Variants in PITPNM2 observed in about 807,000 individuals in gnomAD.
PITPNM2 encodes phosphatidylinositol transfer protein membrane associated 2, also known as membrane-associated phosphatidylinositol transfer protein 2.
In PITPNM2, 35 loss-of-function variants were observed where a neutral mutation model predicts 132.2. The observed-to-expected ratio is 0.26, with a 90% confidence interval of 0.20 to 0.35. The LOEUF (loss-of-function observed/expected upper bound fraction) is 0.35, where lower values mean the gene tolerates loss of function less well. Among genes scored for constraint, PITPNM2 ranks in the 10% least tolerant of loss-of-function variants. PITPNM2 has a pLI of 1.00. For missense variants in PITPNM2, 1,332 were observed against 1,912.0 expected, an observed-to-expected ratio of 0.70 and a Z score of 5.66; for synonymous variants, 738 against 799.2, an observed-to-expected ratio of 0.92 and a Z score of 1.29.
chr12:123,019,531 C>T (rs745396718), intron 3 of PITPNM2, among the ~76,000 whole-genome samples: 1 of 152,234 alleles, frequency 6.6e-6, no homozygotes, highest in Non-Finnish European at 1.5e-5. Context: ...AGCTCCAGCA[C>T]ACCACTATGA....
intron 11 of PITPNM2, among the ~76,000 whole-genome samples, 189 bp downstream of exon 11, chr12:122,997,136 G>A (rs999606552): frequency 6.6e-6 from 1 of 152,224 alleles, no homozygotes; most frequent in African/African-American, 2.4e-5. Flanking sequence ...TCAGCCATGG[G>A]CCCAGGCCTC....
chr12:123,026,800 C>A (rs1334084660), intron 3 of PITPNM2, among the ~76,000 whole-genome samples: 1 of 152,232 alleles, frequency 6.6e-6, no homozygotes, highest in Non-Finnish European at 1.5e-5. Flanking sequence ...CTGCTGGCTC[C>A]CAGTGCTCCT....
At position 123,105,790 on chromosome 12, in the gene PITPNM2, T is replaced by C. The variant is rs1045828718; in HGVS notation, c.-96+4595A>G. ...AAATGAACCGAAGACAGGGGCTCTG[T>C]ACTAGAGCCAAGGGAAGGCAGAAAC... On this transcript the variant is annotated intron_variant, in intron 2 of 25. Coordinates refer to ENST00000320201, the MANE Select transcript of PITPNM2 (RefSeq NM_020845.3). Among the ~76,000 whole-genome samples, 5 of 151,988 alleles carry C rather than the reference T, an allele frequency of 3.3e-5. No individual in the cohort carries two copies. In the South Asian group the frequency reaches 6.2e-4, roughly 19 times the overall value.
At chr12:123,039,103 A>C (rs992755994) in intron 2 of PITPNM2, among the ~76,000 whole-genome samples, 2 of 151,784 alleles carry the variant, frequency 1.3e-5, no homozygotes, top group African/African-American at 2.4e-5. Flanking sequence ...ATGGGGCTCC[A>C]TCGAGTGGCC....
At chr12:123,042,664 C>T (rs551923044) in intron 2 of PITPNM2, among the ~76,000 whole-genome samples, 1 of 152,280 alleles carries the variant, frequency 6.6e-6, no homozygotes, top group South Asian at 2.1e-4. Context: ...CCTCCTTCTG[C>T]CTCCCTTGAG....
At chr12:123,056,659 A>G (rs1022369975) in intron 2 of PITPNM2, among the ~76,000 whole-genome samples, 1 of 152,110 alleles carries the variant, frequency 6.6e-6, no homozygotes, top group Non-Finnish European at 1.5e-5. Flanking sequence ...GTTGACAAAG[A>G]AAGTCTCTCC....
intron 10 of PITPNM2, among the ~76,000 whole-genome samples, chr12:122,999,111 C>CAAAAA (rs5801497): frequency 1.1e-5 from 1 of 89,740 alleles, no homozygotes; most frequent in South Asian, 3.4e-4. Flanking sequence ...ACCCTGTCTC[C>CAAAAA]AAAAAAAAAA....
chr12:122,987,442 T>C lies in PITPNM2; in HGVS notation c.3264-12A>G, dbSNP rs1566228232. ...ACGTGTGGTCTCCCCTGGCAGGTGG[T>C]GGGGGTGCTCATCAGAACCACCCAG... On this transcript the variant is annotated splice_polypyrimidine_tract_variant and intron_variant, in intron 22 of 25. Transcript: ENST00000320201. 6.2e-7 allele frequency: 1 copy of C among 1,613,542 alleles called. No individual in the cohort carries two copies. Among genetic ancestry groups the C allele is most frequent in the East Asian group, 2.2e-5 (1 of 44,866 alleles).
At chr12:123,105,343 G>T (rs946088860) in intron 2 of PITPNM2, 8 of 152,304 alleles carry the variant, frequency 5.3e-5, no homozygotes, top group African/African-American at 1.7e-4. Context: ...TCCTAGAATA[G>T]TAGGTACTCA....
chr12:123,076,411 T>C (rs906912896), intron 2 of PITPNM2, among the ~76,000 whole-genome samples: 16 of 152,140 alleles, frequency 1.1e-4, no homozygotes, highest in African/African-American at 2.7e-4. Flanking sequence ...GAGATAAACA[T>C]AGTTTAAAGA....
rs1242543572 is a variant in PITPNM2 at position 122,995,535 on chromosome 12, C to T, written c.1908G>A (p.Glu636=). ...GGGSSGGSSL[E]SSRHLSRSNV... ...TGCTTCGGCTCAGGTGCCGACTGCTCTCCAGGCTGGAGCCACCACTACTGC... is the reference window on the plus strand; with the variant it reads ...TGCTTCGGCTCAGGTGCCGACTGCTTTCCAGGCTGGAGCCACCACTACTGC... The change falls in exon 14 of 26, where the codon GAG becomes GAA. Residue 636 remains glutamate (E), a synonymous_variant. Transcript: ENST00000320201. 1.2e-6 allele frequency: 2 copies of T among 1,611,902 alleles called. No homozygotes were observed. Among genetic ancestry groups the T allele is most frequent in the African/African-American group, 1.3e-5 (1 of 75,052 alleles).
chr12:122,999,461 G>C (rs1410955725), intron 10 of PITPNM2, among the ~76,000 whole-genome samples: 1 of 152,182 alleles, frequency 6.6e-6, no homozygotes, highest in Non-Finnish European at 1.5e-5. Context: ...GAGGCGAAGG[G>C]CTTATGGAAG....
At chr12:123,125,533 T>C (rs2043118508) in intron 1 of PITPNM2, among the ~76,000 whole-genome samples, 1 of 152,180 alleles carries the variant, frequency 6.6e-6, no homozygotes, top group African/African-American at 2.4e-5. Context: ...TCTTTTGGAA[T>C]AGCAGAACGC....
rs752925918 is a variant in PITPNM2, at chr12:122,996,866, T to C, written c.1517A>G (p.Gln506Arg). Residue 506 changes from glutamine (Q) to arginine (R), a missense_variant, in exon 12 of 26, where the codon CAG (glutamine) becomes CGG (arginine). By Grantham distance (43) the Gln-to-Arg change is conservative. Around this residue, in one of 6 missense-constraint regions of PITPNM2, gnomAD observed 710 missense variants for 911.5 expected, o/e 0.78. Coordinates refer to ENST00000320201, the MANE Select transcript of PITPNM2 (RefSeq NM_020845.3). ...SHDEGCLSSS[Q>R]DHIPLAALPL... is the part of the protein sequence containing the mutation. ...GAGGGCAGCCAGGGGAATGTGGTCC[T>C]GACTGCTGGACAGACAGCCTTCGTC... The C allele has an allele frequency of 6.3e-7, 1 of 1,594,458 alleles. No homozygotes were observed. Among genetic ancestry groups the C allele is most frequent in the South Asian group, 1.1e-5 (1 of 88,496 alleles).
At position 123,106,391 on chromosome 12, in the gene PITPNM2, A is replaced by C. The variant is rs750334149; in HGVS notation, c.-96+3994T>G. On this transcript the variant is annotated intron_variant, in intron 2 of 25. Transcript: ENST00000320201. The surrounding 1 kb of genome is among the most constrained non-coding windows in gnomAD (Gnocchi z 4.4). ...TGGCAGAGCAAGACTCCATCTCTAAAATAAGTAAATAATTCCTTTAAAAAA... is the reference window on the plus strand; with the variant it reads ...TGGCAGAGCAAGACTCCATCTCTAACATAAGTAAATAATTCCTTTAAAAAA... Among the ~76,000 whole-genome samples the C allele has an allele frequency of 5.3e-5, 8 of 151,946 alleles. No individual in the cohort carries two copies. The highest frequency in any genetic ancestry group is 1.0e-4 in the Non-Finnish European group (7 of 68,004).
intron 4 of PITPNM2, among the ~76,000 whole-genome samples, chr12:123,013,112 A>T (rs1000335040): frequency 6.6e-6 from 1 of 152,176 alleles, no homozygotes; most frequent in African/African-American, 2.4e-5. Flanking sequence ...CAGCTCTGAC[A>T]ATGGGGGAAT....
chr12:123,125,016 G>A (rs768898040), intron 1 of PITPNM2, among the ~76,000 whole-genome samples: 5 of 152,046 alleles, frequency 3.3e-5, no homozygotes, highest in Admixed American at 2.0e-4. Context: ...GGAGTGCAGC[G>A]GTGACATCAC....
At chr12:123,052,579 A>G (rs1023598652) in intron 2 of PITPNM2, among the ~76,000 whole-genome samples, 1 of 152,194 alleles carries the variant, frequency 6.6e-6, no homozygotes, top group African/African-American at 2.4e-5. Context: ...TGATCACACA[A>G]CTGCACTCCA....
intron 2 of PITPNM2, among the ~76,000 whole-genome samples, chr12:123,070,363 C>T (rs1002691019): frequency 3.3e-5 from 5 of 152,192 alleles, no homozygotes; most frequent in African/African-American, 1.2e-4. Flanking sequence ...GGGGTTTGAG[C>T]TGGACCGTAT....
Sources: gnomAD v4.1 joint callset for allele counts (sites outside exome capture counted in the v4.1 genomes callset) on GRCh38, gnomAD v4.1.1 for gene constraint, gnomAD v4.1.1 regional missense constraint, Gnocchi (gnomAD v3.1) non-coding constraint, MANE v1.5 for transcripts, NCBI Gene and HGNC (gene_info 2026-07-23, HGNC 2026-07-21) for gene names.